Variants in TCF7L1 observed in about 807,000 individuals in gnomAD.
The protein encoded by TCF7L1 is transcription factor 7 like 1.
Under a neutral mutation model 63.7 loss-of-function variants are expected in TCF7L1, and 18 were observed. The ratio of observed to expected loss-of-function variants is 0.28; its 90% CI spans 0.20 to 0.42. TCF7L1 has a LOEUF of 0.42. Among genes scored for constraint, TCF7L1 ranks in the 10% least tolerant of loss-of-function variants. The pLI is 1.00. For missense variants in TCF7L1, 654 were observed against 779.3 expected (o/e 0.84, Z 1.91); for synonymous variants, 355 against 340.9 (o/e 1.04, Z -0.46).
chr2:85,192,670 G>A (rs1182569158), intron 3 of TCF7L1, among the ~76,000 whole-genome samples: 7 of 150,878 alleles, frequency 4.6e-5, no homozygotes, highest in Admixed American at 4.6e-4. Context: ...CGTGTGAGCC[G>A]TGGCACCTGG....
At chr2:85,275,717 G>A (rs1486828878) in intron 3 of TCF7L1, among the ~76,000 whole-genome samples, 1 of 151,966 alleles carries the variant, frequency 6.6e-6, no homozygotes, top group East Asian at 1.9e-4. Flanking sequence ...TCAGGAGTTC[G>A]AGACCAGCCA....
At chr2:85,214,071 ATGCTCAGCAGCC>A (rs1198178190) in intron 3 of TCF7L1, among the ~76,000 whole-genome samples, 1 of 152,106 alleles carries the variant, frequency 6.6e-6, no homozygotes, top group Non-Finnish European at 1.5e-5. Flanking sequence ...GGGGAGTGCC[ATGCTCAGCAGCC>A]TGAACCGTGT....
Position 85,253,366 on chromosome 2 carries a change from G to A in TCF7L1, c.442-30129G>A, listed in dbSNP as rs76549398. Among the ~76,000 whole-genome samples the A allele has an allele frequency of 5.5e-3, 832 of 152,144 alleles. 8 individuals are homozygous for A. The highest frequency in any genetic ancestry group is 0.019 in the African/African-American group (791 of 41,516). ...AGGTCAGAAACCTGCTCACAGGGGC[G>A]GGGGCGGGGAGGTCTGGTCTGTTGG... On this transcript the variant is annotated intron_variant, in intron 3 of 11. Transcript: ENST00000282111.
At chr2:85,213,548 T>TG (rs1166489898) in intron 3 of TCF7L1, 2 of 152,212 alleles carry the variant, frequency 1.3e-5, no homozygotes. Context: ...TTCCGGCTGA[T>TG]GGCACTAGAT....
chr2:85,206,112 C>T (rs144239621), intron 3 of TCF7L1, among the ~76,000 whole-genome samples: 6 of 152,362 alleles, frequency 3.9e-5, no homozygotes, highest in African/African-American at 1.4e-4. Context: ...CTCCTGTACC[C>T]TGTCTGCAGG....
intron 3 of TCF7L1, among the ~76,000 whole-genome samples, chr2:85,138,308 G>A (rs1677643557): frequency 6.6e-6 from 1 of 152,020 alleles, no homozygotes; most frequent in African/African-American, 2.4e-5. Context: ...CTCATATCCT[G>A]GGAGCTCCTG....
intron 3 of TCF7L1, among the ~76,000 whole-genome samples, chr2:85,234,126 C>CTTTTTTTTTTTTTTTTTT (rs1573002620): frequency 9.6e-6 from 1 of 104,330 alleles, no homozygotes; most frequent in Non-Finnish European, 2.1e-5. Context: ...TTTCTTTTTT[C>CTTTTTTTTTTTTTTTTTT]TTTTCTTTTT....
chr2:85,147,219 G>A (rs1344807273), intron 3 of TCF7L1, among the ~76,000 whole-genome samples: 1 of 152,162 alleles, frequency 6.6e-6, no homozygotes. Flanking sequence ...AGTCTGCCTA[G>A]GCCGTGTCCT....
At chr2:85,139,408 A>G (rs1198591788) in intron 3 of TCF7L1, among the ~76,000 whole-genome samples, 1 of 152,242 alleles carries the variant, frequency 6.6e-6, no homozygotes, top group East Asian at 1.9e-4. Flanking sequence ...ATGGGAAACA[A>G]GATAAGACCC....
chr2:85,273,234 A>G (rs1189917880), intron 3 of TCF7L1, among the ~76,000 whole-genome samples: 1 of 152,170 alleles, frequency 6.6e-6, no homozygotes, highest in African/African-American at 2.4e-5. Context: ...GTGAAGATCA[A>G]GTGCAGGAGA....
intron 3 of TCF7L1, among the ~76,000 whole-genome samples, chr2:85,211,839 C>T (rs915431439): frequency 6.6e-6 from 1 of 152,158 alleles, no homozygotes; most frequent in Non-Finnish European, 1.5e-5. Flanking sequence ...CCTGTAATCC[C>T]AGCACTCTGG....
intron 3 of TCF7L1, among the ~76,000 whole-genome samples, chr2:85,207,675 T>C (rs1308493776): frequency 2.0e-5 from 3 of 151,710 alleles, no homozygotes; most frequent in Admixed American, 6.6e-5. Context: ...CCCTAACTTA[T>C]GATGGTTTGA....
At position 85,285,232 on chromosome 2, in the gene TCF7L1, CA is replaced by C. The variant is rs11381989; in HGVS notation, c.525+1666del. On this transcript the variant is annotated intron_variant, in intron 4 of 11. Transcript: ENST00000282111. ...TGGGTGACAGAGCGAGACTCTGTCT[CA>C]AAAAAAAAAAACTGATAATTCTTAT... 2.9e-3 allele frequency among the ~76,000 whole-genome samples: 372 copies of C among 128,752 alleles called. 2 individuals carry two copies. Among genetic ancestry groups the C allele is most frequent in the African/African-American group, 8.4e-3 (296 of 35,350 alleles). The allele number at this position is 128,752 out of a possible 152,430, so 84.5% of individuals were successfully genotyped here. A position where few individuals can be genotyped will look rare whatever the true frequency, so the allele number is the denominator to read the frequency against.
intron 3 of TCF7L1, among the ~76,000 whole-genome samples, chr2:85,204,096 A>G (rs1474366745): frequency 6.6e-6 from 1 of 152,190 alleles, no homozygotes; most frequent in Non-Finnish European, 1.5e-5. Flanking sequence ...GGTAAAAAAA[A>G]TCAAACAGTA....
chr2:85,144,548 G>A (rs1245382713), intron 3 of TCF7L1, among the ~76,000 whole-genome samples: 5 of 151,922 alleles, frequency 3.3e-5, no homozygotes, highest in Admixed American at 2.6e-4. Flanking sequence ...GCTGCAGTAA[G>A]CCAAGATTAC....
chr2:85,134,584 T>G lies in TCF7L1; in HGVS notation c.441+134T>G. On this transcript the variant is annotated intron_variant, in intron 3 of 11. Transcript: ENST00000282111. The surrounding 1 kb of genome is among the most constrained non-coding windows in gnomAD (Gnocchi z 5.0). ...GCAGAACTTGTTTGCGGAGTTGAAC[T>G]ACTCTCTGGCGGCCGAGCGCGAGGC... 3 of 1,284,338 alleles carry G rather than the reference T, an allele frequency of 2.3e-6. No individual in the cohort carries two copies. The highest frequency in any genetic ancestry group is 1.5e-5 in the South Asian group (1 of 64,700). 79.6% of individuals were successfully genotyped at this position (1,284,338 alleles called of 1,614,324 possible).
At chr2:85,254,776 TAAGAA>T (rs1680671175) in intron 3 of TCF7L1, among the ~76,000 whole-genome samples, 1 of 152,040 alleles carries the variant, frequency 6.6e-6, no homozygotes, top group South Asian at 2.1e-4. Flanking sequence ...GCATTAGTAC[TAAGAA>T]GAGAATGAAG....
rs534075808 is a variant in TCF7L1 at position 85,180,834 on chromosome 2, G to A, written c.441+46384G>A. 2.6e-5 allele frequency among the ~76,000 whole-genome samples: 4 copies of A among 152,308 alleles called. No individual in the cohort carries two copies. In the South Asian group the frequency reaches 8.3e-4, roughly 32 times the overall value. On this transcript the variant is annotated intron_variant, in intron 3 of 11. Transcript: ENST00000282111. ...TTATAGGTAAGGAAGCTGAGGTGCT[G>A]GGAGGTTGCATGATGTGCCGAGCAT...
intron 3 of TCF7L1, among the ~76,000 whole-genome samples, chr2:85,273,170 A>T (rs1398998900): frequency 1.3e-5 from 2 of 152,206 alleles, no homozygotes; most frequent in Non-Finnish European, 2.9e-5. Context: ...CTCCTCACTC[A>T]CAACAGCGCA....
Sources: allele counts gnomAD v4.1 joint callset (sites outside exome capture counted in the v4.1 genomes callset), GRCh38; gene constraint gnomAD v4.1.1; non-coding constraint Gnocchi (gnomAD v3.1); transcripts MANE v1.5; gene names NCBI Gene and HGNC (gene_info 2026-07-23, HGNC 2026-07-21).